STT3B: variants seen among roughly 807,000 people sequenced by gnomAD.
The protein encoded by STT3B is dolichyl-diphosphooligosaccharide--protein glycosyltransferase subunit STT3B.
In STT3B, 29 loss-of-function variants were observed where a neutral mutation model predicts 96.8. The ratio of observed to expected loss-of-function variants is 0.30; its 90% CI spans 0.22 to 0.41. The LOEUF is 0.41. Ranked by LOEUF, STT3B falls within the 10% of genes least tolerant of loss-of-function variation. STT3B has a pLI of 1.00. For synonymous variants in STT3B, 367 were observed against 360.0 expected, an observed-to-expected ratio of 1.02 and a Z score of -0.22; for missense variants, 640 against 1,022.3, an observed-to-expected ratio of 0.63 and a Z score of 5.10.
At chr3:31,603,897 A>AT (rs1280321187) in intron 5 of STT3B, among the ~76,000 whole-genome samples, 3 of 151,980 alleles carry the variant, frequency 2.0e-5, no homozygotes, top group Non-Finnish European at 2.9e-5. Flanking sequence ...ATTACCAGTG[A>AT]TTTTTTTTCA....
Position 31,617,785 on chromosome 3 carries a change from C to T in STT3B, c.1124-155C>T, listed in dbSNP as rs76627159. ...TCACTACCTTATTTTTTCTGACTGC[C>T]AACTGTCTGAAATAGGTTGACACCT... On this transcript the variant is annotated intron_variant, in intron 7 of 15. Transcript: ENST00000295770. 2.1e-4 allele frequency among the ~76,000 whole-genome samples: 32 copies of T among 152,014 alleles called. No homozygotes were observed. In the East Asian group the frequency reaches 5.4e-3, roughly 26 times the overall value.
At chr3:31,592,771 C>T (rs542646315) in intron 3 of STT3B, among the ~76,000 whole-genome samples, 6 of 152,084 alleles carry the variant, frequency 3.9e-5, no homozygotes, top group African/African-American at 7.2e-5. Context: ...TCTAATTTCC[C>T]GTCATATATT....
intron 1 of STT3B, among the ~76,000 whole-genome samples, chr3:31,546,002 C>G (rs1250480279): frequency 6.6e-6 from 1 of 152,130 alleles, no homozygotes; most frequent in Admixed American, 6.5e-5. Flanking sequence ...TTATCCTCCT[C>G]TTTGACTTTC....
At chr3:31,575,388 A>G (rs1698242258) in intron 1 of STT3B, among the ~76,000 whole-genome samples, 1 of 151,954 alleles carries the variant, frequency 6.6e-6, no homozygotes, top group African/African-American at 2.4e-5. Flanking sequence ...TTCTGTTTCT[A>G]CAGTATTAAT....
chr3:31,578,723 C>A (rs999710649), intron 2 of STT3B, among the ~76,000 whole-genome samples: 13 of 152,072 alleles, frequency 8.5e-5, no homozygotes, highest in African/African-American at 3.1e-4. Flanking sequence ...AGGTATTGAG[C>A]ATCCACTTTG....
chr3:31,580,086 A>G lies in STT3B; in HGVS notation c.701A>G (p.Tyr234Cys). Reference protein sequence around the residue: ...GIAIFALQFTYYLWVKSVKTG... With the variant: ...GIAIFALQFTCYLWVKSVKTG... ...GCTATTTTTGCACTTCAGTTCACAT[A>G]CTATTTATGGGTAAGTGACATTTAA... Residue 234 changes from tyrosine to cysteine, a missense_variant, in exon 3 of 16, where the codon TAC becomes TGC. Physicochemically the swap from Tyr to Cys is radical, Grantham distance 194. This residue lies in a region of STT3B where 267 missense variants were observed against 388.3 expected (regional missense o/e 0.69). Transcript: ENST00000295770. 6.2e-7 allele frequency: 1 copy of G among 1,612,256 alleles called. No individual in the cohort carries two copies. The highest frequency in any genetic ancestry group is 8.5e-7 in the Non-Finnish European group (1 of 1,178,576).
chr3:31,595,266 C>T (rs1357347708), intron 3 of STT3B, among the ~76,000 whole-genome samples: 1 of 152,266 alleles, frequency 6.6e-6, no homozygotes, highest in East Asian at 1.9e-4. Context: ...GACAGAGATT[C>T]TGTAACAAGG....
At chr3:31,604,765 A>G (rs966273638) in intron 5 of STT3B, among the ~76,000 whole-genome samples, 1 of 152,188 alleles carries the variant, frequency 6.6e-6, no homozygotes, top group Non-Finnish European at 1.5e-5. Flanking sequence ...TCTTGAGAAG[A>G]GAGAATAGTA....
At chr3:31,579,664 TA>T in intron 2 of STT3B, 144 bp from the exon 3 acceptor site, 1 of 608,620 alleles carries the variant, frequency 1.6e-6, no homozygotes, top group East Asian at 2.9e-5. Context: ...TTTTTTTTTG[TA>T]GTTTATAAAG....
intron 1 of STT3B, among the ~76,000 whole-genome samples, chr3:31,538,257 A>G (rs1697151278): frequency 6.6e-6 from 1 of 152,198 alleles, no homozygotes; most frequent in African/African-American, 2.4e-5. Context: ...CCCCAACACC[A>G]TGATAAAGAG....
At chr3:31,574,319 G>A (rs1698219897) in intron 1 of STT3B, among the ~76,000 whole-genome samples, 1 of 152,068 alleles carries the variant, frequency 6.6e-6, no homozygotes, top group South Asian at 2.1e-4. Flanking sequence ...TAATCCAGGT[G>A]TTTGGATCTT....
At chr3:31,535,682 C>T (rs1415122239) in intron 1 of STT3B, among the ~76,000 whole-genome samples, 1 of 152,142 alleles carries the variant, frequency 6.6e-6, no homozygotes, top group Non-Finnish European at 1.5e-5. Flanking sequence ...GAGATCGCGC[C>T]ACTGCACTCC....
chr3:31,574,192 T>TC lies in STT3B; in HGVS notation c.315-2203dup, dbSNP rs564511941. On this transcript the variant is annotated intron_variant, in intron 1 of 15. Coordinates refer to ENST00000295770, the MANE Select transcript of STT3B (RefSeq NM_178862.3). ...TTCCATTAAAATATTTCCAGAAGTT[T>TC]CGGGGGGGTGTTACTCTTTCTGGGG... is the stretch of plus-strand genomic sequence containing the variant. 1.6e-3 allele frequency among the ~76,000 whole-genome samples: 245 copies of TC among 152,184 alleles called. 2 individuals carry two copies. Among genetic ancestry groups the TC allele is most frequent in the African/African-American group, 5.4e-3 (223 of 41,556 alleles).
chr3:31,599,846 A>C (rs1698888771), intron 4 of STT3B, among the ~76,000 whole-genome samples: 1 of 152,146 alleles, frequency 6.6e-6, no homozygotes, highest in Non-Finnish European at 1.5e-5. Flanking sequence ...TAAGAAAAAA[A>C]TTCATGCCCA....
intron 1 of STT3B, among the ~76,000 whole-genome samples, chr3:31,542,587 T>TA (rs1697305696): frequency 6.6e-6 from 1 of 152,230 alleles, no homozygotes; most frequent in African/African-American, 2.4e-5. Context: ...AGGGTGGGTA[T>TA]ACGTACTGTA....
Position 31,633,075 on chromosome 3 carries a change from T to C in STT3B, c.2328T>C (p.Asp776=). The C allele has an allele frequency of 6.2e-7, 1 of 1,614,092 alleles. No homozygotes were observed. The highest frequency in any genetic ancestry group is 8.5e-7 in the Non-Finnish European group (1 of 1,179,974). ...LVRIYKVKAP[D]NRETLDHKPR... Reference sequence around the variant, plus strand: ...GGATATATAAAGTAAAAGCACCTGATAACAGGGAGACATTAGATCACAAAC... The same window carrying C: ...GGATATATAAAGTAAAAGCACCTGACAACAGGGAGACATTAGATCACAAAC... The change falls in exon 15 of 16, where the codon GAT becomes GAC. Residue 776 remains aspartate, a synonymous_variant. Transcript: ENST00000295770.
chr3:31,564,267 G>A (rs534108269), intron 1 of STT3B, among the ~76,000 whole-genome samples: 1 of 152,134 alleles, frequency 6.6e-6, no homozygotes, highest in African/African-American at 2.4e-5. Flanking sequence ...TTAAAATTGG[G>A]TCATATATAA....
chr3:31,576,048 A>G (rs749535468), intron 1 of STT3B, among the ~76,000 whole-genome samples: 13 of 152,022 alleles, frequency 8.6e-5, no homozygotes, highest in Middle Eastern at 3.2e-3. Context: ...ATTTTGGGCA[A>G]TTCTGGTGAG....
chr3:31,631,073 A>G (rs1446660979), intron 14 of STT3B, among the ~76,000 whole-genome samples: 1 of 152,192 alleles, frequency 6.6e-6, no homozygotes, highest in African/African-American at 2.4e-5. Flanking sequence ...GATTACAGGC[A>G]TGAGCCACCG....
Sources: gnomAD v4.1 joint callset for allele counts (sites outside exome capture counted in the v4.1 genomes callset) on GRCh38, gnomAD v4.1.1 for gene constraint, gnomAD v4.1.1 regional missense constraint, MANE v1.5 for transcripts, NCBI Gene and HGNC (gene_info 2026-07-23, HGNC 2026-07-21) for gene names.